EYA3: variants seen among roughly 807,000 people sequenced by gnomAD.
EYA3 encodes the protein protein phosphatase EYA3.
EYA3 carries 39 observed loss-of-function variants against 80.0 expected under a neutral mutation model. The observed-to-expected ratio is 0.49, with a 90% CI of 0.38 to 0.64. The LOEUF is 0.64. Ranked by LOEUF, EYA3 falls within the 30% of genes least tolerant of loss-of-function variation. The pLI, the probability that EYA3 is intolerant of heterozygous loss-of-function variation, is 0.00. For synonymous variants in EYA3, 206 were observed against 232.8 expected, an observed-to-expected ratio of 0.88 and a Z score of 1.05; for missense variants, 523 against 676.1, an observed-to-expected ratio of 0.77 and a Z score of 2.51.
At chr1:28,079,756 TA>T (rs1382558158) in intron 1 of EYA3, among the ~76,000 whole-genome samples, 1 of 152,088 alleles carries the variant, frequency 6.6e-6, no homozygotes, top group Non-Finnish European at 1.5e-5. Context: ...TCCATCCACG[TA>T]CATTGCAGAG....
At chr1:27,988,739 T>C in intron 15 of EYA3, 83 bp from the exon 16 acceptor site, 2 of 1,506,848 alleles carry the variant, frequency 1.3e-6, no homozygotes, top group African/African-American at 2.8e-5. Flanking sequence ...CTCTTTAGAA[T>C]TTAATTATTA....
At chr1:28,020,989 T>C (rs992338388) in intron 7 of EYA3, among the ~76,000 whole-genome samples, 51 of 152,074 alleles carry the variant, frequency 3.4e-4, no homozygotes, top group South Asian at 4.1e-4. Flanking sequence ...ACAGACAATA[T>C]ACAGATAAAG....
intron 16 of EYA3, among the ~76,000 whole-genome samples, chr1:27,985,257 A>C (rs895722552): frequency 8.5e-5 from 11 of 129,648 alleles, no homozygotes; most frequent in East Asian, 2.1e-4. Flanking sequence ...AAAAAACAAA[A>C]AAAACAAAAA....
chr1:27,992,052 G>C (rs1377730860), intron 14 of EYA3, among the ~76,000 whole-genome samples: 3 of 152,178 alleles, frequency 2.0e-5, no homozygotes, highest in African/African-American at 7.2e-5. Flanking sequence ...CCTGAAGTCT[G>C]GAAGCCCATG....
chr1:28,076,358 T>C (rs560547673), intron 1 of EYA3, among the ~76,000 whole-genome samples: 39 of 152,188 alleles, frequency 2.6e-4, no homozygotes, highest in Non-Finnish European at 5.3e-4. Context: ...CTTTTTAAAA[T>C]ATATACATAT....
intron 1 of EYA3, among the ~76,000 whole-genome samples, chr1:28,076,890 G>A (rs1377945645): frequency 1.4e-5 from 2 of 139,808 alleles, no homozygotes; most frequent in African/African-American, 5.3e-5. Context: ...ACAGGCATGC[G>A]CCACCACGCC....
chr1:27,977,793 A>G (rs1388500038), intron 17 of EYA3, among the ~76,000 whole-genome samples: 1 of 150,856 alleles, frequency 6.6e-6, no homozygotes, highest in Admixed American at 6.6e-5. Context: ...GGTTGCAGTG[A>G]GCCAAGACTG....
rs1474727332 is a variant in EYA3, at chr1:28,044,715, T to A, written c.78-2065A>T. Among the ~76,000 whole-genome samples, 3 of 152,312 alleles carry A rather than the reference T, an allele frequency of 2.0e-5. No homozygotes were observed. In the East Asian group the frequency reaches 5.8e-4, roughly 29 times the overall value. ...TCGTATCATTTCTGAAACTGACTTC[T>A]AATATTCAAGTATAATAAGGGTTTT... On this transcript the variant is annotated intron_variant, in intron 3 of 17. Transcript: ENST00000373871.
intron 4 of EYA3, among the ~76,000 whole-genome samples, chr1:28,039,434 AT>A (rs1199045286): frequency 6.6e-6 from 1 of 152,116 alleles, no homozygotes; most frequent in Admixed American, 6.6e-5. Context: ...CTATACTATT[AT>A]TTTTTCTGTT....
At chr1:28,074,001 C>T (rs1645119425) in intron 1 of EYA3, among the ~76,000 whole-genome samples, 2 of 151,890 alleles carry the variant, frequency 1.3e-5, no homozygotes, top group Non-Finnish European at 2.9e-5. Flanking sequence ...ATAGTTGGAA[C>T]AATAAATAGT....
In EYA3 at chr1:28,004,449, T is replaced by C. The variant is rs1278037989; in HGVS notation, c.910-30A>G. ...GGAAAGAAAATATAAAAAATGAGTA[T>C]ATTTTCCAATTACAATGGAATGAAA... On this transcript the variant is annotated intron_variant, in intron 10 of 17. Transcript: ENST00000373871. The C allele has an allele frequency of 4.6e-6, 7 of 1,526,752 alleles. No homozygotes were observed. The African/African-American group carries it at 8.2e-5, about 18-fold the overall frequency. The allele number at this position is 1,526,752 out of a possible 1,614,324, so 94.6% of individuals were successfully genotyped here.
chr1:28,084,553 C>CAA (rs1265751561), intron 1 of EYA3, among the ~76,000 whole-genome samples: 6 of 63,326 alleles, frequency 9.5e-5, no homozygotes, highest in African/African-American at 3.7e-4. Flanking sequence ...TTGACTATTC[C>CAA]AAAATATATA....
At chr1:28,077,079 C>A (rs1396639096) in intron 1 of EYA3, among the ~76,000 whole-genome samples, 1 of 149,848 alleles carries the variant, frequency 6.7e-6, no homozygotes, top group African/African-American at 2.5e-5. Flanking sequence ...CAAAAATCAT[C>A]CTTTGAAATT....
intron 1 of EYA3, among the ~76,000 whole-genome samples, chr1:28,085,579 G>A (rs1645621629): frequency 6.6e-6 from 1 of 152,058 alleles, no homozygotes; most frequent in African/African-American, 2.4e-5. Flanking sequence ...TGACAAAAAA[G>A]AACCAAAAAT....
intron 1 of EYA3, among the ~76,000 whole-genome samples, chr1:28,067,361 T>C (rs1481320704): frequency 6.6e-6 from 1 of 152,258 alleles, no homozygotes; most frequent in African/African-American, 2.4e-5. Context: ...TGTTTTTATG[T>C]TAGTTTAATA....
chr1:28,058,102 T>TA lies in EYA3; in HGVS notation c.-68-9dup, dbSNP rs1308088772. 7.2e-6 allele frequency: 9 copies of TA among 1,243,800 alleles called. No individual in the cohort carries two copies. Among genetic ancestry groups the TA allele is most frequent in the African/African-American group, 4.5e-5 (3 of 67,040 alleles). The allele number at this position is 1,243,800 out of a possible 1,614,324, so 77.0% of individuals were successfully genotyped here. On this transcript the variant is annotated splice_polypyrimidine_tract_variant and intron_variant, in intron 1 of 17. Transcript: ENST00000373871. ...CTCAGCAGTTTTCACAATCTGTTTT[T>TA]AAAAAGGAGGATTCAAAGCTTTATA...
intron 4 of EYA3, among the ~76,000 whole-genome samples, chr1:28,042,263 T>C (rs1643827379): frequency 6.6e-6 from 1 of 152,190 alleles, no homozygotes; most frequent in African/African-American, 2.4e-5. Flanking sequence ...GAAGTATATA[T>C]GGTTAAGTAT....
At chr1:28,069,314 GC>G in intron 1 of EYA3, among the ~76,000 whole-genome samples, 1 of 152,054 alleles carries the variant, frequency 6.6e-6, no homozygotes, top group African/African-American at 2.4e-5. Flanking sequence ...TCACCATGTT[GC>G]CCAGGCTGGC....
At position 28,035,531 on chromosome 1, in the gene EYA3, T is replaced by G; in HGVS notation, c.361+13A>C. ...CAACATTCTTAGAAATTGTTTACAA[T>G]ACAGTGCCTTACCAAAAGGAGGTAG... is the stretch of plus-strand genomic sequence containing the variant. On this transcript the variant is annotated intron_variant, in intron 6 of 17. Coordinates refer to ENST00000373871, the MANE Select transcript of EYA3 (RefSeq NM_001990.4). 6.2e-7 allele frequency: 1 copy of G among 1,611,296 alleles called. No homozygotes were observed. The highest frequency in any genetic ancestry group is 8.5e-7 in the Non-Finnish European group (1 of 1,179,146).
Sources: allele counts gnomAD v4.1 joint callset (sites outside exome capture counted in the v4.1 genomes callset), GRCh38; gene constraint gnomAD v4.1.1; transcripts MANE v1.5; gene names NCBI Gene and HGNC (gene_info 2026-07-23, HGNC 2026-07-21).